The following RBM20 variants were observed in gnomAD, a reference collection of about 807,000 sequenced individuals.
RBM20 encodes RNA binding motif protein 20.
A neutral mutation model predicts 110.1 loss-of-function variants in RBM20; 51 were observed. The observed-to-expected ratio is 0.46, with a 90% CI of 0.37 to 0.59. RBM20 has a LOEUF of 0.59. Ranked by LOEUF, RBM20 falls within the 20% of genes least tolerant of loss-of-function variation. The probability of loss-of-function intolerance (pLI) is 0.00; values close to 1 mark genes in which losing one functional copy is unlikely to be tolerated. For missense variants in RBM20, 1,512 were observed against 1,574.9 expected (o/e 0.96, Z 0.68); for synonymous variants, 589 against 618.2 (o/e 0.95, Z 0.70).
chr10:110,813,120 G>T (rs1175675716), intron 9 of RBM20, among the ~76,000 whole-genome samples, 173 bp downstream of exon 9: 1 of 152,210 alleles, frequency 6.6e-6, no homozygotes, highest in Non-Finnish European at 1.5e-5. Context: ...AATCCTCACA[G>T]GTTTTGAGTA....
chr10:110,725,071 G>A (rs1464418315), intron 1 of RBM20, among the ~76,000 whole-genome samples: 1 of 152,026 alleles, frequency 6.6e-6, no homozygotes, highest in Non-Finnish European at 1.5e-5. Context: ...CATGAACTTG[G>A]ATGATCATAG....
At chr10:110,809,330 T>G (rs1844736435) in intron 7 of RBM20, among the ~76,000 whole-genome samples, 1 of 151,130 alleles carries the variant, frequency 6.6e-6, no homozygotes, top group African/African-American at 2.4e-5. Context: ...AGACTGAGGG[T>G]TTTTAGTCTT....
At chr10:110,674,348 A>G (rs1042155588) in intron 1 of RBM20, among the ~76,000 whole-genome samples, 3 of 152,172 alleles carry the variant, frequency 2.0e-5, no homozygotes, top group Middle Eastern at 3.2e-3. Context: ...ACAACAGGGA[A>G]CTCTTAAAAC....
At chr10:110,727,476 T>C (rs1843576453) in intron 1 of RBM20, among the ~76,000 whole-genome samples, 1 of 151,254 alleles carries the variant, frequency 6.6e-6, no homozygotes, top group Non-Finnish European at 1.5e-5. Context: ...CTCAATTATA[T>C]TTTAAATTTT....
chr10:110,804,029 T>C (rs1177673877), intron 7 of RBM20, among the ~76,000 whole-genome samples: 8 of 152,084 alleles, frequency 5.3e-5, no homozygotes, highest in East Asian at 1.9e-4. Flanking sequence ...CTAGGTGGCA[T>C]GATGGCTACA....
chr10:110,654,586 C>T (rs1362809428), intron 1 of RBM20, among the ~76,000 whole-genome samples: 1 of 151,582 alleles, frequency 6.6e-6, no homozygotes, highest in Non-Finnish European at 1.5e-5. Flanking sequence ...TGACTGATGA[C>T]TTGCCCTGGT....
At position 110,725,516 on chromosome 10, in the gene RBM20, A is replaced by G. The variant is rs540639163; in HGVS notation, c.192-55285A>G. ...AACAATTATTTGCTAAATATCCCTT[A>G]TAACTAGGTATTATTTAGATTGATG... On this transcript the variant is annotated intron_variant, in intron 1 of 13. Transcript: ENST00000369519. Among the ~76,000 whole-genome samples the G allele has an allele frequency of 1.4e-4, 21 of 152,356 alleles. No individual in the cohort carries two copies. The South Asian group carries it at 4.1e-3, about 30-fold the overall frequency.
intron 5 of RBM20, among the ~76,000 whole-genome samples, chr10:110,791,516 G>T (rs1308019584): frequency 6.6e-6 from 1 of 152,212 alleles, no homozygotes; most frequent in African/African-American, 2.4e-5. Flanking sequence ...GAACTCATCT[G>T]TGAAGGCTAT....
chr10:110,780,716 A>AG (rs778959036), intron 1 of RBM20, 85 bp from the exon 2 acceptor site: 18 of 1,405,584 alleles, frequency 1.3e-5, no homozygotes, highest in African/African-American at 2.9e-5. Flanking sequence ...TTTATGTGGG[A>AG]GGGGGGACCA....
chr10:110,798,491 A>G (rs1046638968), intron 6 of RBM20, among the ~76,000 whole-genome samples: 2 of 152,218 alleles, frequency 1.3e-5, no homozygotes, highest in Non-Finnish European at 2.9e-5. Context: ...TTCAGCTTGT[A>G]ACATTGATGT....
chr10:110,830,086 CTG>C (rs1845030419), intron 12 of RBM20, among the ~76,000 whole-genome samples: 1 of 152,246 alleles, frequency 6.6e-6, no homozygotes, highest in Non-Finnish European at 1.5e-5. Flanking sequence ...GGTGAGGAAA[CTG>C]AGCCCCAGGA....
At chr10:110,740,797 G>C (rs1429992884) in intron 1 of RBM20, among the ~76,000 whole-genome samples, 1 of 152,050 alleles carries the variant, frequency 6.6e-6, no homozygotes, top group Non-Finnish European at 1.5e-5. Flanking sequence ...CGTTCTAGGG[G>C]GTGTTGTCCA....
chr10:110,661,779 G>T (rs998868924), intron 1 of RBM20, among the ~76,000 whole-genome samples: 2 of 152,170 alleles, frequency 1.3e-5, no homozygotes, highest in African/African-American at 2.4e-5. Context: ...GGAGGCCGAG[G>T]TGGGTGGATC....
At chr10:110,668,790 C>T in intron 1 of RBM20, among the ~76,000 whole-genome samples, 1 of 151,674 alleles carries the variant, frequency 6.6e-6, no homozygotes, top group East Asian at 1.9e-4. Flanking sequence ...TCTTAAGATT[C>T]TTTGGCCTAA....
chr10:110,680,556 A>G (rs1590612964), intron 1 of RBM20, among the ~76,000 whole-genome samples: 1 of 152,232 alleles, frequency 6.6e-6, no homozygotes, highest in East Asian at 1.9e-4. Context: ...TTGTGTGTTC[A>G]GTGGCGAGCC....
At chr10:110,813,273 C>T (rs1346536171) in intron 9 of RBM20, among the ~76,000 whole-genome samples, 1 of 152,210 alleles carries the variant, frequency 6.6e-6, no homozygotes, top group Non-Finnish European at 1.5e-5. Flanking sequence ...AATCCCATGG[C>T]ACCTGTTGCC....
chr10:110,794,267 A>G (rs1364345433), intron 5 of RBM20, among the ~76,000 whole-genome samples: 1 of 152,252 alleles, frequency 6.6e-6, no homozygotes, highest in Non-Finnish European at 1.5e-5. Flanking sequence ...ATGGAGTTCA[A>G]CAACAACCCA....
intron 11 of RBM20, among the ~76,000 whole-genome samples, chr10:110,822,928 A>G (rs1313237823): frequency 1.3e-5 from 2 of 152,144 alleles, no homozygotes; most frequent in African/African-American, 4.8e-5. Flanking sequence ...GGCAAGAATA[A>G]AGGAGGAGTG....
At chr10:110,767,477 TCCTCACTTCTCAGACGGGGCGGCTGCG>T (rs1447068388) in intron 1 of RBM20, among the ~76,000 whole-genome samples, 19 of 142,256 alleles carry the variant, frequency 1.3e-4, no homozygotes, top group South Asian at 9.1e-4. Flanking sequence ...GCGGAGGGGC[TCCTCACTTCTCAGACGGGGCGGCTGCG>T]GGGCGGAGGG....
Sources: gnomAD v4.1 joint callset for allele counts (sites outside exome capture counted in the v4.1 genomes callset) on GRCh38, gnomAD v4.1.1 for gene constraint, MANE v1.5 for transcripts, NCBI Gene and HGNC (gene_info 2026-07-23, HGNC 2026-07-21) for gene names.